UNC13C: variants seen among roughly 807,000 people sequenced by gnomAD.
UNC13C encodes the protein protein unc-13 homolog C.
UNC13C carries 174 observed loss-of-function variants against 245.4 expected under a neutral mutation model. The observed-to-expected ratio is 0.71, with a 90% CI of 0.63 to 0.80. The LOEUF is 0.80. UNC13C is among the 30% of genes least tolerant of loss of function. The pLI, the probability that UNC13C is intolerant of heterozygous loss-of-function variation, is 0.00. For synonymous variants in UNC13C, 992 were observed against 895.1 expected (o/e 1.11, Z -1.93); for missense variants, 2,829 against 2,602.9 (o/e 1.09, Z -1.89).
chr15:53,995,434 C>T (rs2140966233), intron 1 of UNC13C, among the ~76,000 whole-genome samples: 2 of 152,200 alleles, frequency 1.3e-5, no homozygotes, highest in South Asian at 4.2e-4. Flanking sequence ...CTTATTTCCC[C>T]TCTTGTTCCT....
intron 17 of UNC13C, among the ~76,000 whole-genome samples, chr15:54,339,277 TA>T (rs2038669080): frequency 6.6e-6 from 1 of 152,218 alleles, no homozygotes; most frequent in South Asian, 2.1e-4. Flanking sequence ...TTTAAATTTT[TA>T]TTTCCATAGG....
At chr15:54,062,282 C>T (rs1315088641) in intron 2 of UNC13C, among the ~76,000 whole-genome samples, 1 of 149,736 alleles carries the variant, frequency 6.7e-6, no homozygotes, top group Non-Finnish European at 1.5e-5. Flanking sequence ...TCGCCCATTG[C>T]ACTGCACTCC....
At chr15:54,371,674 C>G (rs1316568154) in intron 17 of UNC13C, among the ~76,000 whole-genome samples, 1 of 151,672 alleles carries the variant, frequency 6.6e-6, no homozygotes, top group Non-Finnish European at 1.5e-5. Flanking sequence ...GGCTTTACCA[C>G]AGCTTTAAAA....
At chr15:54,185,006 C>G (rs111823688) in intron 4 of UNC13C, among the ~76,000 whole-genome samples, 1 of 152,004 alleles carries the variant, frequency 6.6e-6, no homozygotes. Flanking sequence ...ATTTGCATTT[C>G]TCTGATGGCC....
intron 2 of UNC13C, among the ~76,000 whole-genome samples, chr15:54,032,478 G>T (rs770894649): frequency 6.6e-6 from 1 of 152,128 alleles, no homozygotes; most frequent in Non-Finnish European, 1.5e-5. Flanking sequence ...GTAGGGAGTT[G>T]TTTATTTTGT....
the UNC13C span, among the ~76,000 whole-genome samples, chr15:53,926,908 G>A: frequency 1.3e-5 from 2 of 152,200 alleles, no homozygotes; most frequent in African/African-American, 4.8e-5. Flanking sequence ...GGGATAAACT[G>A]AGTTGGACTG....
At chr15:54,191,894 G>T (rs2034196394) in intron 4 of UNC13C, among the ~76,000 whole-genome samples, 1 of 151,750 alleles carries the variant, frequency 6.6e-6, no homozygotes, top group Admixed American at 6.6e-5. Flanking sequence ...TCTTTTTGTT[G>T]GGGTTATTTT....
upstream of UNC13C, among the ~76,000 whole-genome samples, chr15:53,976,242 T>C (rs1257514659): frequency 6.6e-6 from 1 of 152,202 alleles, no homozygotes; most frequent in African/African-American, 2.4e-5. Flanking sequence ...TTTTGAAATA[T>C]ATGACCAGAA....
chr15:54,533,772 A>C (rs1389765154), intron 26 of UNC13C, among the ~76,000 whole-genome samples: 1 of 152,118 alleles, frequency 6.6e-6, no homozygotes, highest in African/African-American at 2.4e-5. Flanking sequence ...TAATTTAGTA[A>C]GTTTGAGGCA....
At chr15:54,597,090 G>C (rs1899129952) in intron 30 of UNC13C, among the ~76,000 whole-genome samples, 1 of 152,148 alleles carries the variant, frequency 6.6e-6, no homozygotes, top group African/African-American at 2.4e-5. Flanking sequence ...AACTCATAAG[G>C]AGTGCACAAC....
intron 14 of UNC13C, among the ~76,000 whole-genome samples, chr15:54,331,256 G>A (rs971381333): frequency 6.6e-6 from 1 of 152,064 alleles, no homozygotes; most frequent in Non-Finnish European, 1.5e-5. Context: ...ATTCAGAATA[G>A]TGGAGTGTCT....
chr15:54,015,635 A>C lies in UNC13C; in HGVS notation c.2732A>C (p.Glu911Ala). The C allele has an allele frequency of 6.2e-7, 1 of 1,613,798 alleles. No homozygotes were observed. The change falls in exon 2 of 33, where the codon GAA (glutamate) becomes GCA (alanine). Residue 911 changes from glutamate to alanine, a missense_variant. By Grantham distance (107) the Glu-to-Ala change is moderately radical. Coordinates refer to ENST00000260323, the MANE Select transcript of UNC13C (RefSeq NM_001080534.3). ...CAAGCATATGATCACCTTTCATATG[A>C]AACACCTTATGAAACCCCACAAGAT... Reference protein sequence around the residue: ...QMQAYDHLSYETPYETPQDEG... With the variant: ...QMQAYDHLSYATPYETPQDEG...
chr15:54,099,805 A>G (rs1437950562), intron 2 of UNC13C, among the ~76,000 whole-genome samples: 1 of 152,084 alleles, frequency 6.6e-6, no homozygotes, highest in Non-Finnish European at 1.5e-5. Flanking sequence ...ACATTTAAAA[A>G]AATACTTGGC....
intron 17 of UNC13C, among the ~76,000 whole-genome samples, chr15:54,390,885 A>G (rs1395086928): frequency 2.0e-5 from 3 of 150,500 alleles, no homozygotes; most frequent in Non-Finnish European, 4.5e-5. Context: ...CTATTAAAGT[A>G]GGGAAAGCCT....
At chr15:54,362,186 G>A (rs2140866475) in intron 17 of UNC13C, among the ~76,000 whole-genome samples, 1 of 152,172 alleles carries the variant, frequency 6.6e-6, no homozygotes, top group East Asian at 1.9e-4. Context: ...ATTTACCCCA[G>A]GTGATTGAGC....
At chr15:54,322,870 A>G (rs1024346490) in intron 14 of UNC13C, among the ~76,000 whole-genome samples, 20 of 152,038 alleles carry the variant, frequency 1.3e-4, no homozygotes, top group Admixed American at 8.5e-4. Context: ...CAGCAGCCTC[A>G]ATAGCATTTG....
At chr15:54,546,490 T>C (rs1475218805) in intron 26 of UNC13C, among the ~76,000 whole-genome samples, 2 of 152,086 alleles carry the variant, frequency 1.3e-5, no homozygotes, top group African/African-American at 4.8e-5. Flanking sequence ...TATTTATCTT[T>C]CCAAAGCCTG....
rs931373721 is a variant in UNC13C, at chr15:54,433,711, G to A, written c.4933+18644G>A. On this transcript the variant is annotated intron_variant, in intron 19 of 32. Coordinates refer to ENST00000260323, the MANE Select transcript of UNC13C (RefSeq NM_001080534.3). ...CCCTCTCTCACCGCTTTTATTCAACGTAGTATTGGAAGTTCTGGCCAGGGC... is the reference window on the plus strand; with the variant it reads ...CCCTCTCTCACCGCTTTTATTCAACATAGTATTGGAAGTTCTGGCCAGGGC... Among the ~76,000 whole-genome samples, 34 of 151,860 alleles carry A rather than the reference G, an allele frequency of 2.2e-4. 1 individual carries two copies. Among genetic ancestry groups the A allele is most frequent in the Admixed American group, 1.1e-3 (16 of 15,200 alleles).
At chr15:53,857,298 C>A in the UNC13C span, among the ~76,000 whole-genome samples, 8 of 152,128 alleles carry the variant, frequency 5.3e-5, no homozygotes, top group Non-Finnish European at 1.0e-4. Flanking sequence ...AATATAATTA[C>A]TTTTCATAAC....
Sources: gnomAD v4.1 joint callset for allele counts (sites outside exome capture counted in the v4.1 genomes callset) on GRCh38, gnomAD v4.1.1 for gene constraint, MANE v1.5 for transcripts, NCBI Gene and HGNC (gene_info 2026-07-23, HGNC 2026-07-21) for gene names.